JAG1: variants seen among roughly 807,000 people sequenced by gnomAD.
JAG1 encodes the protein jagged canonical Notch ligand 1, also known as protein jagged-1.
Under a neutral mutation model 148.7 loss-of-function variants are expected in JAG1, and 23 were observed. That is an observed-to-expected ratio of 0.15 (90% CI 0.11 to 0.22). The LOEUF (loss-of-function observed/expected upper bound fraction) is 0.22, where lower values mean the gene tolerates loss of function less well. Among genes scored for constraint, JAG1 ranks in the 10% least tolerant of loss-of-function variants. JAG1 has a pLI of 1.00. For missense variants in JAG1, 1,054 were observed against 1,611.2 expected (o/e 0.65, Z 5.92); for synonymous variants, 572 against 598.3 (o/e 0.96, Z 0.64).
intron 8 of JAG1, chr20:10,650,656 AATCTTT>A: frequency 2.6e-6 from 1 of 382,240 alleles, no homozygotes; most frequent in East Asian, 5.6e-5. Flanking sequence ...CTATCTGCCT[AATCTTT>A]ATTTTTAAAG....
chr20:10,642,892 C>T (rs2067282884), intron 20 of JAG1, among the ~76,000 whole-genome samples: 1 of 152,182 alleles, frequency 6.6e-6, no homozygotes, highest in African/African-American at 2.4e-5. Context: ...GGCAAAGTTT[C>T]CTGGAAGGGG....
At chr20:10,659,782 A>T (rs2067403788) in intron 3 of JAG1, among the ~76,000 whole-genome samples, 1 of 151,998 alleles carries the variant, frequency 6.6e-6, no homozygotes, top group African/African-American at 2.4e-5. Context: ...CTGAAAAAAA[A>T]TGCTTACTGA....
intron 4 of JAG1, among the ~76,000 whole-genome samples, chr20:10,657,597 CA>C (rs1053231822): frequency 6.6e-6 from 1 of 152,116 alleles, no homozygotes; most frequent in African/African-American, 2.4e-5. Flanking sequence ...TTGAGTCTAT[CA>C]AAACAATTTA....
Position 10,643,839 on chromosome 20 carries a change from A to G in JAG1, c.2397T>C (p.Asp799=), listed in dbSNP as rs761813198. ...HPCYNSGTCV[D]GDNWYRCECA... The stretch of plus-strand genomic sequence containing the variant: ...ATTCGCACCGGTACCAGTTGTCTCC[A>G]TCCACACAGGTGCCGCTGTTGTAAC... Residue 799 remains aspartate, a synonymous_variant, in exon 20 of 26, where the codon GAT becomes GAC. Transcript: ENST00000254958. 1 of 1,614,144 alleles carries G rather than the reference A, an allele frequency of 6.2e-7. No homozygotes were observed. The highest frequency in any genetic ancestry group is 8.5e-7 in the Non-Finnish European group (1 of 1,180,010).
Position 10,644,990 on chromosome 20 carries a change from A to G in JAG1, c.2228-11T>C. ...AGCTACTGTTTCGGGCTATAAAAGAAGAGCAGACACGACCACCCTCCCTGA... is the reference window on the plus strand; with the variant it reads ...AGCTACTGTTTCGGGCTATAAAAGAGGAGCAGACACGACCACCCTCCCTGA... On this transcript the variant is annotated splice_polypyrimidine_tract_variant and intron_variant, in intron 17 of 25. Transcript: ENST00000254958. 1 of 1,606,504 alleles carries G rather than the reference A, an allele frequency of 6.2e-7. No individual in the cohort carries two copies. The highest frequency in any genetic ancestry group is 8.5e-7 in the Non-Finnish European group (1 of 1,173,342).
At chr20:10,653,024 G>C (rs2067356970) in intron 5 of JAG1, among the ~76,000 whole-genome samples, 1 of 152,110 alleles carries the variant, frequency 6.6e-6, no homozygotes, top group African/African-American at 2.4e-5. Context: ...TGTCTGCACA[G>C]AAAGTCATGA....
At chr20:10,642,137 C>T (rs2067276806) in intron 21 of JAG1, among the ~76,000 whole-genome samples, 1 of 152,190 alleles carries the variant, frequency 6.6e-6, no homozygotes, top group South Asian at 2.1e-4. Flanking sequence ...CTCTTGCACA[C>T]CTACCCACTG....
In JAG1 at chr20:10,644,994, C is replaced by G. The variant is rs558317074; in HGVS notation, c.2228-15G>C. ...ACTGTTTCGGGCTATAAAAGAAGAG[C>G]AGACACGACCACCCTCCCTGAGTAT... On this transcript the variant is annotated splice_polypyrimidine_tract_variant and intron_variant, in intron 17 of 25. Transcript: ENST00000254958. The G allele has an allele frequency of 1.3e-6, 2 of 1,593,116 alleles. No homozygotes were observed. Among genetic ancestry groups the G allele is most frequent in the South Asian group, 2.2e-5 (2 of 90,686 alleles).
At chr20:10,664,714 A>G (rs988562608) in intron 2 of JAG1, among the ~76,000 whole-genome samples, 18 of 152,268 alleles carry the variant, frequency 1.2e-4, no homozygotes, top group African/African-American at 4.3e-4. Context: ...CCGCACACCC[A>G]TGGGTTATAT....
At chr20:10,658,378 G>T in intron 4 of JAG1, 90 bp downstream of exon 4, 1 of 1,551,686 alleles carries the variant, frequency 6.4e-7, no homozygotes, top group Non-Finnish European at 8.8e-7. Flanking sequence ...CCCCACCTGA[G>T]ATAGCCGCAT....
chr20:10,664,107 CA>C, intron 2 of JAG1, 93 bp from the exon 3 acceptor site: 1 of 982,134 alleles, frequency 1.0e-6, no homozygotes, highest in Non-Finnish European at 1.6e-6. Context: ...CCCCACCAAA[CA>C]AAACCATAAT....
At chr20:10,653,595 T>C (rs1257039438) in intron 5 of JAG1, among the ~76,000 whole-genome samples, 1 of 6,012 alleles carries the variant, frequency 1.7e-4, no homozygotes, top group Non-Finnish European at 3.1e-4. Context: ...GGGTGGAGGG[T>C]GGGGTGCGGG....
chr20:10,659,393 A>G (rs2067399458), intron 3 of JAG1, among the ~76,000 whole-genome samples: 2 of 152,214 alleles, frequency 1.3e-5, no homozygotes, highest in Admixed American at 1.3e-4. Context: ...TGCTCTTTAC[A>G]TATGAGAGAC....
chr20:10,648,427 T>A (rs1384332481), intron 12 of JAG1, 122 bp downstream of exon 12: 1 of 846,888 alleles, frequency 1.2e-6, no homozygotes, highest in Non-Finnish European at 2.0e-6. Context: ...CTCTCATCAA[T>A]AGGATGTTAA....
At chr20:10,662,439 G>C (rs2067423902) in intron 3 of JAG1, 1 of 152,104 alleles carries the variant, frequency 6.6e-6, no homozygotes, top group Non-Finnish European at 1.5e-5. Context: ...CAAGTATACT[G>C]ACCTGGCTCT....
chr20:10,646,384 C>T (rs2067308525), intron 14 of JAG1: 1 of 428,884 alleles, frequency 2.3e-6, no homozygotes, highest in African/African-American at 2.0e-5. Flanking sequence ...CCAGAATGTT[C>T]CAACATAGAT....
chr20:10,651,833 C>T (rs1033667344), intron 7 of JAG1, 139 bp from the exon 8 acceptor site: 106 of 710,556 alleles, frequency 1.5e-4, no homozygotes, highest in Non-Finnish European at 3.0e-5. Context: ...TGATAGAACC[C>T]TGCTGTGTCT....
Position 10,642,515 on chromosome 20 carries a change from C to T in JAG1, c.2545G>A (p.Gly849Arg). Residue 849 changes from glycine (G) to arginine (R), a missense_variant, in exon 21 of 26, where the codon GGG (glycine) becomes AGG (arginine). Gly to Arg is a moderately radical substitution (Grantham distance 125). Coordinates refer to ENST00000254958, the MANE Select transcript of JAG1 (RefSeq NM_000214.3). The stretch of plus-strand genomic sequence containing the variant: ...TCCTGGCACTTGGCACCACTGTGCC[C>T]TGGAGGGCAGACACACCGGTAGCCA... ...INGYRCVCPPGHSGAKCQEVS... is the reference protein window; with the variant it reads ...INGYRCVCPPRHSGAKCQEVS... 6.2e-7 allele frequency: 1 copy of T among 1,613,362 alleles called. No individual in the cohort carries two copies.
intron 5 of JAG1, among the ~76,000 whole-genome samples, chr20:10,653,731 G>C (rs1331041316): frequency 3.3e-5 from 5 of 152,218 alleles, no homozygotes; most frequent in South Asian, 4.2e-4. Flanking sequence ...AGAAGGAAAG[G>C]CTTTCGGTTT....
Sources: allele counts gnomAD v4.1 joint callset (sites outside exome capture counted in the v4.1 genomes callset), GRCh38; gene constraint gnomAD v4.1.1; transcripts MANE v1.5; gene names NCBI Gene and HGNC (gene_info 2026-07-23, HGNC 2026-07-21).